Variants in MAVS observed in about 807,000 individuals in gnomAD.
The protein encoded by MAVS is mitochondrial antiviral-signaling protein.
In MAVS, 20 loss-of-function variants were observed where a neutral mutation model predicts 30.2. The ratio of observed to expected loss-of-function variants is 0.66; its 90% confidence interval spans 0.47 to 0.96. MAVS has a LOEUF of 0.96. Among genes scored for constraint, MAVS ranks in the 40% least tolerant of loss-of-function variants. The pLI is 0.00. For missense variants in MAVS, 624 were observed against 701.1 expected (o/e 0.89, Z 1.24); for synonymous variants, 278 against 293.9 (o/e 0.95, Z 0.55).
intron 3 of MAVS, among the ~76,000 whole-genome samples, chr20:3,858,125 C>T (rs182670719): frequency 1.3e-5 from 2 of 152,242 alleles, no homozygotes; most frequent in East Asian, 3.9e-4. Flanking sequence ...TGGGCACTTC[C>T]TGTATGCCCA....
At chr20:3,864,142 T>C in intron 5 of MAVS, 114 bp from the exon 6 acceptor site, 1 of 1,195,466 alleles carries the variant, frequency 8.4e-7, no homozygotes, top group South Asian at 1.5e-5. Flanking sequence ...GGCAGGAGAT[T>C]TGGAGGCCTA....
chr20:3,857,810 G>A lies in MAVS; in HGVS notation c.292+1G>A, dbSNP rs199684675. The A allele has an allele frequency of 7.8e-5, 126 of 1,614,008 alleles. No individual in the cohort carries two copies. Among genetic ancestry groups the A allele is most frequent in the Non-Finnish European group, 9.9e-5 (117 of 1,180,016 alleles). ...TCTGTCTACCAGAGCTACCAGCCTC[G>A]TGAGCGTCCTGCCCTTGCCCTCCTG... is the stretch of plus-strand genomic sequence containing the variant. On this transcript the variant is annotated splice_donor_variant, in intron 3 of 6. Coordinates refer to ENST00000428216, the MANE Select transcript of MAVS (RefSeq NM_020746.5). LOFTEE classifies it high-confidence loss of function.
intron 1 of MAVS, among the ~76,000 whole-genome samples, chr20:3,850,363 C>G (rs543827922): frequency 1.1e-3 from 172 of 150,542 alleles, no homozygotes; most frequent in African/African-American, 3.8e-3. Context: ...TTTGGGAGGC[C>G]GAGGTGAGCG....
chr20:3,861,600 A>G, intron 4 of MAVS, 96 bp downstream of exon 4: 7 of 1,312,978 alleles, frequency 5.3e-6, no homozygotes, highest in African/African-American at 3.0e-5. Context: ...CCCGTCCCCT[A>G]TAAATCACGC....
chr20:3,861,448 G>A lies in MAVS; in HGVS notation c.409G>A (p.Glu137Lys), dbSNP rs779903870. 31 of 1,592,498 alleles carry A rather than the reference G, an allele frequency of 1.9e-5. No homozygotes were observed. Among genetic ancestry groups the A allele is most frequent in the Non-Finnish European group, 2.6e-5 (30 of 1,160,492 alleles). Reference sequence around the variant, plus strand: ...CCCCTACAACAGCTGCAGAGAGAAGGAGCCAAGTTACCCCATGCCTGTCCA... The same window carrying A: ...CCCCTACAACAGCTGCAGAGAGAAGAAGCCAAGTTACCCCATGCCTGTCCA... ...SIPYNSCREK[E>K]PSYPMPVQET... The change falls in exon 4 of 7, where the codon GAG (glutamate) becomes AAG (lysine). Residue 137 changes from glutamate to lysine, a missense_variant. By Grantham distance (56) the Glu-to-Lys change is moderately conservative (BLOSUM62 1). Transcript: ENST00000428216.
chr20:3,856,344 G>A (rs545652976), intron 2 of MAVS, among the ~76,000 whole-genome samples: 127 of 147,964 alleles, frequency 8.6e-4, no homozygotes, highest in African/African-American at 3.1e-3. Context: ...GTGAGCCACT[G>A]CGCCCAGCAT....
Position 3,857,832 on chromosome 20 carries a change from C to T in MAVS, c.292+23C>T, listed in dbSNP as rs369481918. On this transcript the variant is annotated intron_variant, in intron 3 of 6. Coordinates refer to ENST00000428216, the MANE Select transcript of MAVS (RefSeq NM_020746.5). ...CTCGTGAGCGTCCTGCCCTTGCCCT[C>T]CTGGACCCCCAGCCTGCTCCCTGGC... 3.7e-6 allele frequency: 6 copies of T among 1,613,608 alleles called. No individual in the cohort carries two copies. In the African/African-American group the frequency reaches 8.0e-5, roughly 22 times the overall value.
At chr20:3,849,215 T>TC (rs2089736682) in intron 1 of MAVS, among the ~76,000 whole-genome samples, 1 of 151,726 alleles carries the variant, frequency 6.6e-6, no homozygotes, top group Admixed American at 6.6e-5. Flanking sequence ...TGCTTTTTTT[T>TC]TTTTTTTTCC....
intron 1 of MAVS, among the ~76,000 whole-genome samples, chr20:3,853,220 C>T (rs534810786): frequency 1.3e-5 from 2 of 148,656 alleles, no homozygotes; most frequent in South Asian, 4.3e-4. Flanking sequence ...GGCGCGGTGG[C>T]TCACGCCTGT....
Position 3,857,866 on chromosome 20 carries a change from T to C in MAVS, c.292+57T>C, listed in dbSNP as rs763082272. On this transcript the variant is annotated intron_variant, in intron 3 of 6. Transcript: ENST00000428216. ...CCAGCCTGCTCCCTGGCCTCCGCTC[T>C]CCTTTTCTCTCTCCCTGTACTTCCT... is the stretch of plus-strand genomic sequence containing the variant. The C allele has an allele frequency of 5.8e-6, 9 of 1,555,572 alleles. No individual in the cohort carries two copies. In the African/African-American group the frequency reaches 1.2e-4, roughly 21 times the overall value.
rs2089984620 is a variant in MAVS at position 3,875,477 on chromosome 20, A to AG, written c.*9330_*9331insG. Reference sequence around the variant, plus strand: ...ACTTCTTCAGTGCTGTTTTTATTTAAAAAAAAAAAAAACCAGCCAAAACCA... The same window carrying AG: ...ACTTCTTCAGTGCTGTTTTTATTTAAGAAAAAAAAAAAACCAGCCAAAACCA... On this transcript the variant is annotated 3_prime_UTR_variant, in exon 7 of 7. Transcript: ENST00000428216. 6.6e-6 allele frequency: 1 copy of AG among 150,590 alleles called. No individual in the cohort carries two copies. 9.3% of individuals were successfully genotyped at this position (150,590 alleles called of 1,614,324 possible). A position where few individuals can be genotyped will look rare whatever the true frequency, so the allele number is the denominator to read the frequency against.
rs569887649 is a variant in MAVS, at chr20:3,854,668, A to G, written c.44A>G (p.Asn15Ser). ...AAGACCTATAAGTATATCTGCCGCAATTTCAGCAATTTTTGCAATGTGGAT... is the reference window on the plus strand; with the variant it reads ...AAGACCTATAAGTATATCTGCCGCAGTTTCAGCAATTTTTGCAATGTGGAT... ...EDKTYKYICR[N>S]FSNFCNVDVV... Residue 15 changes from asparagine to serine, a missense_variant, in exon 2 of 7, where the codon AAT (asparagine) becomes AGT (serine). Coordinates refer to ENST00000428216, the MANE Select transcript of MAVS (RefSeq NM_020746.5). The G allele has an allele frequency of 6.2e-7, 1 of 1,613,922 alleles. No individual in the cohort carries two copies. The highest frequency in any genetic ancestry group is 2.2e-5 in the East Asian group (1 of 44,850).
intron 1 of MAVS, among the ~76,000 whole-genome samples, chr20:3,851,605 A>G (rs1050623442): frequency 2.0e-5 from 3 of 152,156 alleles, no homozygotes; most frequent in African/African-American, 7.2e-5. Context: ...CTGGAAACTG[A>G]TAACTTGCCC....
intron 2 of MAVS, among the ~76,000 whole-genome samples, chr20:3,857,330 G>GT (rs1414570872): frequency 1.3e-5 from 2 of 152,164 alleles, no homozygotes; most frequent in Non-Finnish European, 2.9e-5. Context: ...CTAAGCCTCA[G>GT]TTTCCTCATT....
chr20:3,854,124 TAAAAC>T (rs936628442), intron 1 of MAVS, among the ~76,000 whole-genome samples: 11 of 147,212 alleles, frequency 7.5e-5, no homozygotes, highest in Non-Finnish European at 1.5e-4. Context: ...AAAAACAAAA[TAAAAC>T]AAAACAAAAA....
chr20:3,855,783 A>C (rs1308214693), intron 2 of MAVS, among the ~76,000 whole-genome samples: 4 of 152,106 alleles, frequency 2.6e-5, no homozygotes, highest in Non-Finnish European at 4.4e-5. Context: ...ATTTTCTTTA[A>C]AAAATTTTTT....
rs1043890423 is a variant in MAVS, at chr20:3,867,458, C to T, written c.*1311C>T. ...AAAAAAGTTTAAAAAATTAGCCAGG[C>T]GTGGTGGTGCACCTGTCGTCTTAGC... On this transcript the variant is annotated 3_prime_UTR_variant, in exon 7 of 7. Transcript: ENST00000428216. The T allele has an allele frequency of 5.5e-5, 10 of 181,852 alleles. No individual in the cohort carries two copies. Among genetic ancestry groups the T allele is most frequent in the African/African-American group, 1.2e-4 (5 of 41,958 alleles). The allele number at this position is 181,852 out of a possible 1,614,324, so 11.3% of individuals were successfully genotyped here. A position where few individuals can be genotyped will look rare whatever the true frequency, so the allele number is the denominator to read the frequency against.
chr20:3,854,869 G>C, intron 2 of MAVS, 128 bp downstream of exon 2: 1 of 554,202 alleles, frequency 1.8e-6, no homozygotes. Context: ...GCTGTGTCTT[G>C]CTCCTTGTCC....
intron 3 of MAVS, among the ~76,000 whole-genome samples, chr20:3,859,508 C>A (rs76670711): frequency 0.55 from 72,542 of 130,802 alleles, 18,781 homozygotes; most frequent in Admixed American, 0.62. Context: ...ACTCCGTCTC[C>A]AAAAAAAAAA....
Sources: gnomAD v4.1 joint callset for allele counts (sites outside exome capture counted in the v4.1 genomes callset) on GRCh38, gnomAD v4.1.1 for gene constraint, MANE v1.5 for transcripts, NCBI Gene and HGNC (gene_info 2026-07-23, HGNC 2026-07-21) for gene names.